Variants in WWC2 observed in about 807,000 individuals in gnomAD.
The protein encoded by WWC2 is WW and C2 domain containing 2, also known as protein WWC2.
A neutral mutation model predicts 138.5 loss-of-function variants in WWC2; 101 were observed. The ratio of observed to expected loss-of-function variants is 0.73; its 90% confidence interval spans 0.62 to 0.86. The LOEUF (loss-of-function observed/expected upper bound fraction) is 0.86, where lower values mean the gene tolerates loss of function less well. Ranked by LOEUF, WWC2 falls within the 40% of genes least tolerant of loss-of-function variation. The pLI, the probability that WWC2 is intolerant of heterozygous loss-of-function variation, is 0.00. For synonymous variants in WWC2, 558 were observed against 538.4 expected, an observed-to-expected ratio of 1.04 and a Z score of -0.50; for missense variants, 1,420 against 1,419.4, an observed-to-expected ratio of 1.00 and a Z score of -0.01.
intron 1 of WWC2, among the ~76,000 whole-genome samples, chr4:183,179,879 A>G (rs1734576468): frequency 6.6e-6 from 1 of 152,180 alleles, no homozygotes; most frequent in Admixed American, 6.5e-5. Flanking sequence ...TTTGGCATGC[A>G]GAGATGAAAC....
intron 21 of WWC2, among the ~76,000 whole-genome samples, chr4:183,311,905 A>T (rs1211793614): frequency 2.0e-5 from 3 of 152,094 alleles, no homozygotes; most frequent in Non-Finnish European, 4.4e-5. Context: ...GGTAAATTCT[A>T]CGTTAAATAA....
At chr4:183,268,860 T>G in intron 14 of WWC2, 111 bp from the exon 15 acceptor site, 2 of 1,174,038 alleles carry the variant, frequency 1.7e-6, no homozygotes, top group Middle Eastern at 2.9e-4. Context: ...AGATTGATCT[T>G]GAACTCCACG....
At position 183,306,881 on chromosome 4, in the gene WWC2, C is replaced by CAAAAAAAAAAAAAAAAAAAAAAAAA. The variant is rs55750701; in HGVS notation, c.3385-5444_3385-5443insAAAAAAAAAAAAAAAAAAAAAAAAA. ...CTAACAGCACCAACTATATATGAGGCAAAAAAAAAAAAAAAACTACAAGGA... is the reference window on the plus strand; with the variant it reads ...CTAACAGCACCAACTATATATGAGGCAAAAAAAAAAAAAAAAAAAAAAAAAAAAAAAAAAAAAAAAACTACAAGGA... On this transcript the variant is annotated intron_variant, in intron 21 of 22. Transcript: ENST00000403733. 1.3e-4 allele frequency among the ~76,000 whole-genome samples: 11 copies of CAAAAAAAAAAAAAAAAAAAAAAAAA among 85,098 alleles called. 3 individuals are homozygous for CAAAAAAAAAAAAAAAAAAAAAAAAA. Among genetic ancestry groups the CAAAAAAAAAAAAAAAAAAAAAAAAA allele is most frequent in the African/African-American group, 1.4e-4 (3 of 22,150 alleles). The allele number at this position is 85,098 out of a possible 152,430, so 55.8% of individuals were successfully genotyped here. A position where few individuals can be genotyped will look rare whatever the true frequency, so the allele number is the denominator to read the frequency against.
chr4:183,288,569 A>G (rs1738330152), intron 20 of WWC2, among the ~76,000 whole-genome samples: 1 of 152,178 alleles, frequency 6.6e-6, no homozygotes, highest in Non-Finnish European at 1.5e-5. Context: ...ACTCACTCAC[A>G]GCTTCCTCTC....
At chr4:183,144,388 TA>T (rs994667138) in intron 1 of WWC2, among the ~76,000 whole-genome samples, 1 of 149,872 alleles carries the variant, frequency 6.7e-6, no homozygotes, top group Non-Finnish European at 1.5e-5. Flanking sequence ...TCTGAAACTT[TA>T]AAAAAACTGC....
chr4:183,174,303 G>A (rs545975692), intron 1 of WWC2, among the ~76,000 whole-genome samples: 12 of 152,322 alleles, frequency 7.9e-5, no homozygotes, highest in African/African-American at 2.6e-4. Flanking sequence ...CAGACTTCTG[G>A]CAAGTCCTCC....
chr4:183,252,187 T>G (rs1736999650), intron 8 of WWC2, among the ~76,000 whole-genome samples: 1 of 152,246 alleles, frequency 6.6e-6, no homozygotes, highest in Admixed American at 6.5e-5. Flanking sequence ...TTCTCTTCCC[T>G]TCTACAAGTT....
intron 1 of WWC2, among the ~76,000 whole-genome samples, chr4:183,118,155 A>T (rs1223514742): frequency 6.6e-6 from 1 of 152,196 alleles, no homozygotes; most frequent in Admixed American, 6.5e-5. Flanking sequence ...CTTAGAGGAA[A>T]AATAGTTTCT....
rs370773466 is a variant in WWC2 at position 183,220,932 on chromosome 4, T to C, written c.522+11907T>C. On this transcript the variant is annotated intron_variant, in intron 4 of 22. Coordinates refer to ENST00000403733, the MANE Select transcript of WWC2 (RefSeq NM_024949.6). ...TAGTTAACCCAAAAGAAGGCAAGAATAGAGGAAGAAAATATGACAATAAGA... is the reference window on the plus strand; with the variant it reads ...TAGTTAACCCAAAAGAAGGCAAGAACAGAGGAAGAAAATATGACAATAAGA... Among the ~76,000 whole-genome samples, 50 of 149,938 alleles carry C rather than the reference T, an allele frequency of 3.3e-4. 1 individual carries two copies. The East Asian group carries it at 5.9e-3, about 18-fold the overall frequency.
At chr4:183,155,850 C>T (rs528590346) in intron 1 of WWC2, among the ~76,000 whole-genome samples, 3 of 152,158 alleles carry the variant, frequency 2.0e-5, no homozygotes, top group East Asian at 3.9e-4. Flanking sequence ...TACCTTTTTC[C>T]GGTTCTGTCT....
At chr4:183,157,378 T>C (rs1310051269) in intron 1 of WWC2, among the ~76,000 whole-genome samples, 1 of 152,238 alleles carries the variant, frequency 6.6e-6, no homozygotes, top group Non-Finnish European at 1.5e-5. Context: ...TTCCCCGTGA[T>C]ACTAACTTTG....
At chr4:183,118,040 C>T (rs1366644293) in intron 1 of WWC2, among the ~76,000 whole-genome samples, 1 of 152,128 alleles carries the variant, frequency 6.6e-6, no homozygotes, top group Non-Finnish European at 1.5e-5. Flanking sequence ...CTTCGTGATC[C>T]ACCCACCTTG....
Position 183,284,244 on chromosome 4 carries a change from A to G in WWC2, c.2902A>G (p.Thr968Ala), listed in dbSNP as rs754981885. Residue 968 changes from threonine to alanine, a missense_variant, in exon 19 of 23, where the codon ACT becomes GCT. Coordinates refer to ENST00000403733, the MANE Select transcript of WWC2 (RefSeq NM_024949.6). The part of the protein sequence containing the change: ...IPTLVDKETN[T>A]DEAANDNMAV... ...CTTATAGGTTGACAAAGAGACAAAC[A>G]CTGATGAAGCCGCTAATGACAATAT... 3.7e-6 allele frequency: 6 copies of G among 1,613,982 alleles called. No homozygotes were observed. The Admixed American group carries it at 5.0e-5, about 13-fold the overall frequency.
rs893830742 is a variant in WWC2 at position 183,246,204 on chromosome 4, T to C, written c.732+659T>C. Among the ~76,000 whole-genome samples, 101 of 152,222 alleles carry C rather than the reference T, an allele frequency of 6.6e-4. 1 individual carries two copies. The highest frequency in any genetic ancestry group is 6.5e-3 in the Admixed American group (100 of 15,280). ...CGTTAAGTGATCAGTATTCTCAGTATCTATACTATCAAATACAGTCAAGTT... is the reference window on the plus strand; with the variant it reads ...CGTTAAGTGATCAGTATTCTCAGTACCTATACTATCAAATACAGTCAAGTT... On this transcript the variant is annotated intron_variant, in intron 6 of 22. Transcript: ENST00000403733.
At chr4:183,280,936 A>T (rs755826755) in intron 17 of WWC2, 39 bp downstream of exon 17, 11 of 1,538,018 alleles carry the variant, frequency 7.2e-6, no homozygotes, top group East Asian at 2.4e-5. Flanking sequence ...GAGCTCAAAG[A>T]TGATGTGTTT....
In WWC2 at chr4:183,260,923, A is replaced by T. The variant is rs1271704304; in HGVS notation, c.1300A>T (p.Thr434Ser). The change falls in exon 11 of 23, where the codon ACC becomes TCC. Residue 434 changes from threonine to serine, a missense_variant. Physicochemically the swap from Thr to Ser is moderately conservative, Grantham distance 58. Coordinates refer to ENST00000403733, the MANE Select transcript of WWC2 (RefSeq NM_024949.6). ...TTTGTCTTTCAGCCTCTCTGCCAGC[A>T]CCCTGTCCATGTCATCTGGGAGCAG... ...HSQLKSLSAS[T>S]LSMSSGSSLG... The T allele has an allele frequency of 6.2e-7, 1 of 1,613,516 alleles. No homozygotes were observed. The highest frequency in any genetic ancestry group is 2.2e-5 in the East Asian group (1 of 44,878).
intron 2 of WWC2, among the ~76,000 whole-genome samples, chr4:183,199,098 G>C (rs908629137): frequency 6.6e-6 from 1 of 152,136 alleles, no homozygotes; most frequent in Non-Finnish European, 1.5e-5. Context: ...GAGTTAACCA[G>C]GCTGGAGAAA....
chr4:183,320,000 C>G lies in WWC2; in HGVS notation c.*4271C>G. On this transcript the variant is annotated 3_prime_UTR_variant, in exon 23 of 23. Coordinates refer to ENST00000403733, the MANE Select transcript of WWC2 (RefSeq NM_024949.6). ...TCCTGGAGACCCTGAGTTCAGCAGG[C>G]AAAGCCAGGAAGGAGTCAAAGTCCT... is the stretch of plus-strand genomic sequence containing the variant. 4 of 1,613,840 alleles carry G rather than the reference C, an allele frequency of 2.5e-6. No homozygotes were observed. Among genetic ancestry groups the G allele is most frequent in the Non-Finnish European group, 3.4e-6 (4 of 1,179,812 alleles).
intron 1 of WWC2, among the ~76,000 whole-genome samples, chr4:183,107,704 C>T (rs575270195): frequency 2.0e-5 from 3 of 152,112 alleles, no homozygotes; most frequent in Non-Finnish European, 4.4e-5. Flanking sequence ...CTTCCCTTTT[C>T]TCCCTATCTG....
Sources: allele counts gnomAD v4.1 joint callset (sites outside exome capture counted in the v4.1 genomes callset), GRCh38; gene constraint gnomAD v4.1.1; transcripts MANE v1.5; gene names NCBI Gene and HGNC (gene_info 2026-07-23, HGNC 2026-07-21).